Variants in PFKFB2 observed in about 807,000 individuals in gnomAD.
PFKFB2 encodes 6-phosphofructo-2-kinase/fructose-2,6-biphosphatase 2.
Under a neutral mutation model 68.0 loss-of-function variants are expected in PFKFB2, and 53 were observed. That is an observed-to-expected ratio of 0.78 (90% CI 0.63 to 0.98). The LOEUF is 0.98. Ranked by LOEUF, PFKFB2 falls within the 50% of genes least tolerant of loss-of-function variation. The pLI is 0.00. For missense variants in PFKFB2, 451 were observed against 642.0 expected (o/e 0.70, Z 3.22); for synonymous variants, 222 against 227.6 (o/e 0.98, Z 0.22).
chr1:207,077,025 A>G lies in PFKFB2; in HGVS notation c.*4654A>G. 1 of 983,916 alleles carries G rather than the reference A, an allele frequency of 1.0e-6. No homozygotes were observed. Among genetic ancestry groups the G allele is most frequent in the Non-Finnish European group, 1.2e-6 (1 of 828,590 alleles). The allele number at this position is 983,916 out of a possible 1,614,324, so 60.9% of individuals were successfully genotyped here. Reference sequence around the variant, plus strand: ...ATATTTCTTATATAGTAGTGGCCAAATTCTCATTATTTTGTACAAGATAAA... The same window carrying G: ...ATATTTCTTATATAGTAGTGGCCAAGTTCTCATTATTTTGTACAAGATAAA... On this transcript the variant is annotated 3_prime_UTR_variant, in exon 15 of 15. Transcript: ENST00000367080.
upstream of PFKFB2, chr1:207,049,660 C>A: frequency 6.2e-7 from 1 of 1,614,166 alleles, no homozygotes. Flanking sequence ...AGAAGCACCA[C>A]GTTTAGTAAA....
intron 1 of PFKFB2, among the ~76,000 whole-genome samples, chr1:207,039,352 C>T (rs534848249): frequency 6.6e-5 from 10 of 152,160 alleles, no homozygotes; most frequent in Admixed American, 2.6e-4. Context: ...AAAATTTTGT[C>T]CATAATTAGG....
chr1:207,068,386 A>C (rs1448271493), intron 10 of PFKFB2, 77 bp downstream of exon 10: 1 of 1,260,338 alleles, frequency 7.9e-7, no homozygotes, highest in Non-Finnish European at 1.1e-6. Context: ...CTATTTAGAC[A>C]GTTTTATCTA....
At position 207,070,393 on chromosome 1, in the gene PFKFB2, C is replaced by G; in HGVS notation, c.1206C>G (p.Phe402Leu). Residue 402 changes from phenylalanine (F) to leucine (L), a missense_variant, in exon 12 of 15, where the codon TTC becomes TTG. Physicochemically the swap from Phe to Leu is conservative, Grantham distance 22 (BLOSUM62 0). Transcript: ENST00000367080. This position sits in a 1 kb window ranked among gnomAD's most constrained non-coding sequence, Gnocchi z 4.2. ...QAVMRCLLAY[F>L]LDKGADELPY... is the part of the protein sequence containing the mutation. ...TCATGCGCTGCCTCCTGGCCTACTT[C>G]TTGGATAAGGGCGCAGGTGCCTTTG... The G allele has an allele frequency of 3.7e-6, 6 of 1,613,918 alleles. No homozygotes were observed. Among genetic ancestry groups the G allele is most frequent in the Non-Finnish European group, 5.1e-6 (6 of 1,179,984 alleles).
chr1:207,058,668 T>C (rs780132975), intron 2 of PFKFB2, among the ~76,000 whole-genome samples: 1 of 152,212 alleles, frequency 6.6e-6, no homozygotes, highest in Admixed American at 6.5e-5. Flanking sequence ...CTAATTTTTA[T>C]ATTTTTAGTA....
upstream of PFKFB2, chr1:207,050,560 T>A: frequency 7.3e-6 from 9 of 1,237,732 alleles, no homozygotes; most frequent in Non-Finnish European, 1.0e-5. Flanking sequence ...CTTTGATCTA[T>A]CCTCGCCCCT....
upstream of PFKFB2, chr1:207,050,882 C>A: frequency 6.2e-7 from 1 of 1,606,812 alleles, no homozygotes; most frequent in Non-Finnish European, 8.5e-7. Context: ...GGCCTTGCAG[C>A]GGAGCCGCCA....
At chr1:207,043,988 T>TA (rs1246370239) in intron 2 of PFKFB2, 1 of 152,584 alleles carries the variant, frequency 6.6e-6, no homozygotes, top group Non-Finnish European at 1.5e-5. Flanking sequence ...AAAATGAAGT[T>TA]AGACATCTTC....
intron 2 of PFKFB2, among the ~76,000 whole-genome samples, chr1:207,059,655 G>C (rs1057509468): frequency 6.6e-6 from 1 of 152,098 alleles, no homozygotes; most frequent in Non-Finnish European, 1.5e-5. Flanking sequence ...AGGACTAAAA[G>C]CCAAGCCCTC....
At chr1:207,056,386 C>T (rs1273316039) in intron 2 of PFKFB2, among the ~76,000 whole-genome samples, 1 of 149,586 alleles carries the variant, frequency 6.7e-6, no homozygotes, top group Non-Finnish European at 1.5e-5. Context: ...CTAGGATGCA[C>T]CTCTTACAGG....
chr1:207,034,858 T>C (rs1227191767), intron 1 of PFKFB2: 2 of 152,262 alleles, frequency 1.3e-5, no homozygotes. Flanking sequence ...TAAATCACTA[T>C]TTCAAATTTT....
chr1:207,064,882 C>T (rs532344723), intron 7 of PFKFB2, among the ~76,000 whole-genome samples, 154 bp from the exon 8 acceptor site: 9 of 90,322 alleles, frequency 1.0e-4, no homozygotes, highest in East Asian at 3.3e-4. Flanking sequence ...CGGGGCGGGG[C>T]GGGGCGGGGG....
chr1:207,078,040 T>G (rs928213518), downstream of PFKFB2, among the ~76,000 whole-genome samples: 1 of 152,240 alleles, frequency 6.6e-6, no homozygotes, highest in Non-Finnish European at 1.5e-5. Context: ...TCAATAGTTG[T>G]GTGTTCCTGT....
upstream of PFKFB2, among the ~76,000 whole-genome samples, chr1:207,052,490 C>T (rs771626368): frequency 2.0e-5 from 3 of 152,066 alleles, no homozygotes; most frequent in East Asian, 5.8e-4. Context: ...GGAGAAACCC[C>T]GTCTCTACTA....
At chr1:207,052,243 C>T (rs1682770968), upstream of PFKFB2, 2 of 1,611,492 alleles carry the variant, frequency 1.2e-6, no homozygotes, top group Non-Finnish European at 1.7e-6. Context: ...CATCTTTTCA[C>T]ATCTTTCATG....
downstream of PFKFB2, chr1:207,077,880 C>T: frequency 2.3e-6 from 2 of 853,406 alleles, no homozygotes; most frequent in Non-Finnish European, 2.8e-6. Flanking sequence ...CTTCCCCACC[C>T]CTAAAACTTT....
In PFKFB2 at chr1:207,063,076, C is replaced by G; in HGVS notation, c.309-67C>G. 7.5e-7 allele frequency: 1 copy of G among 1,340,206 alleles called. No individual in the cohort carries two copies. Among genetic ancestry groups the G allele is most frequent in the Non-Finnish European group, 1.1e-6 (1 of 932,074 alleles). 83.0% of individuals were successfully genotyped at this position (1,340,206 alleles called of 1,614,324 possible). A position where few individuals can be genotyped will look rare whatever the true frequency, so the allele number is the denominator to read the frequency against. On this transcript the variant is annotated intron_variant, in intron 4 of 14. Transcript: ENST00000367080. This position sits in a 1 kb window ranked among gnomAD's most constrained non-coding sequence, Gnocchi z 4.1. ...CAGGGATGTGACTTCTGTAGCCACCCGAATGTTTGTGTCTCTGACTGTTTG... is the reference window on the plus strand; with the variant it reads ...CAGGGATGTGACTTCTGTAGCCACCGGAATGTTTGTGTCTCTGACTGTTTG...
In PFKFB2 at chr1:207,072,883, T is replaced by A; in HGVS notation, c.*512T>A. 1.0e-6 allele frequency: 1 copy of A among 988,126 alleles called. No individual in the cohort carries two copies. The allele number at this position is 988,126 out of a possible 1,614,324, so 61.2% of individuals were successfully genotyped here. ...CCCCACTTTCATGTCCCCTCTGGAT[T>A]GTCCAGTGTAATGCATGGCATTGTG... On this transcript the variant is annotated 3_prime_UTR_variant, in exon 15 of 15. Transcript: ENST00000367080.
rs1683446145 is a variant in PFKFB2, at chr1:207,070,905, C to T, written c.1223-283C>T. Reference sequence around the variant, plus strand: ...AGCTGTTGTGGTCAGACCTTATTGGCCTTTGCTGTACCCAGGTGACCCCCT... The same window carrying T: ...AGCTGTTGTGGTCAGACCTTATTGGTCTTTGCTGTACCCAGGTGACCCCCT... On this transcript the variant is annotated intron_variant, in intron 12 of 14. Coordinates refer to ENST00000367080, the MANE Select transcript of PFKFB2 (RefSeq NM_006212.2). This position sits in a 1 kb window ranked among gnomAD's most constrained non-coding sequence, Gnocchi z 4.2. The T allele has an allele frequency of 7.8e-6, 3 of 384,784 alleles. No individual in the cohort carries two copies. The highest frequency in any genetic ancestry group is 8.5e-5 in the Admixed American group (2 of 23,466). The allele number at this position is 384,784 out of a possible 1,614,324, so 23.8% of individuals were successfully genotyped here.
Sources: allele counts gnomAD v4.1 joint callset (sites outside exome capture counted in the v4.1 genomes callset), GRCh38; gene constraint gnomAD v4.1.1; non-coding constraint Gnocchi (gnomAD v3.1); transcripts MANE v1.5; gene names NCBI Gene and HGNC (gene_info 2026-07-23, HGNC 2026-07-21).